Variants in PROCR observed in about 807,000 individuals in gnomAD.
The protein encoded by PROCR is endothelial protein C receptor.
PROCR carries 22 observed loss-of-function variants against 24.2 expected under a neutral mutation model. The observed-to-expected ratio is 0.91, with a 90% CI of 0.65 to 1.30. PROCR has a LOEUF of 1.30. PROCR is among the 50% of genes most tolerant of loss of function. The pLI, the probability that PROCR is intolerant of heterozygous loss-of-function variation, is 0.00. For missense variants in PROCR, 288 were observed against 307.7 expected (o/e 0.94, Z 0.48); for synonymous variants, 137 against 139.2 (o/e 0.98, Z 0.11).
At position 35,176,711 on chromosome 20, in the gene PROCR, C is replaced by T; in HGVS notation, c.615C>T (p.Ser205=). The T allele has an allele frequency of 6.2e-7, 1 of 1,611,390 alleles. No individual in the cohort carries two copies. The highest frequency in any genetic ancestry group is 8.5e-7 in the Non-Finnish European group (1 of 1,178,782). ...SAENTKGSQT[S]RSYTSLVLGV... is the part of the protein sequence containing the mutation. ...CATGTTCTGCAGGGAGCCAAACAAG[C>T]CGCTCCTACACTTCGCTGGTCCTGG... Residue 205 remains serine, a synonymous_variant, in exon 4 of 4, where the codon AGC becomes AGT. Transcript: ENST00000216968.
chr20:35,195,657 C>T (rs2086208951), intron 1 of PROCR, among the ~76,000 whole-genome samples: 2 of 151,642 alleles, frequency 1.3e-5, no homozygotes, highest in South Asian at 4.2e-4. Context: ...CCCATCTCTA[C>T]TAAAAACACA....
chr20:35,208,057 C>A (rs565803671), intron 1 of PROCR, among the ~76,000 whole-genome samples: 1 of 152,086 alleles, frequency 6.6e-6, no homozygotes, highest in African/African-American at 2.4e-5. Context: ...AGTGAGCAGG[C>A]CTGGGAGTGG....
intron 1 of PROCR, among the ~76,000 whole-genome samples, chr20:35,206,053 G>T (rs2146177304): frequency 6.6e-6 from 1 of 150,428 alleles, no homozygotes; most frequent in South Asian, 2.1e-4. Flanking sequence ...TTTTATTTTT[G>T]GTAGAGACAG....
intron 1 of PROCR, among the ~76,000 whole-genome samples, chr20:35,212,373 T>A (rs1174134136): frequency 6.6e-6 from 1 of 152,202 alleles, no homozygotes; most frequent in Non-Finnish European, 1.5e-5. Flanking sequence ...CTCACGCTTG[T>A]TTTAATGTTC....
At chr20:35,200,592 C>T (rs772242220) in intron 1 of PROCR, among the ~76,000 whole-genome samples, 1 of 152,144 alleles carries the variant, frequency 6.6e-6, no homozygotes, top group Non-Finnish European at 1.5e-5. Context: ...TGTAATTAGA[C>T]ATAATGTTAT....
At chr20:35,209,685 A>G (rs6120870) in intron 1 of PROCR, among the ~76,000 whole-genome samples, 27,666 of 150,862 alleles carry the variant, frequency 0.18, 3,904 homozygotes, top group African/African-American at 0.41. Flanking sequence ...AAGTCAGGGG[A>G]AGTGTATTTC....
chr20:35,189,949 T>TA (rs2086159683), intron 1 of PROCR, among the ~76,000 whole-genome samples: 1 of 152,232 alleles, frequency 6.6e-6, no homozygotes, highest in Non-Finnish European at 1.5e-5. Context: ...TTACTGATAA[T>TA]AATCCCTCGC....
At chr20:35,172,969 G>A (rs2085964758) in intron 1 of PROCR, among the ~76,000 whole-genome samples, 1 of 152,112 alleles carries the variant, frequency 6.6e-6, no homozygotes, top group South Asian at 2.1e-4. Flanking sequence ...CCTAAAGGTG[G>A]GTAATATTAT....
intron 1 of PROCR, among the ~76,000 whole-genome samples, chr20:35,205,620 G>A (rs1412033139): frequency 6.7e-6 from 1 of 149,974 alleles, no homozygotes; most frequent in South Asian, 2.1e-4. Context: ...GTGTGGTGGT[G>A]CATGCTTGTA....
chr20:35,205,454 AAT>A (rs148597850), intron 1 of PROCR, among the ~76,000 whole-genome samples: 5 of 146,110 alleles, frequency 3.4e-5, no homozygotes, highest in Admixed American at 6.9e-5. Context: ...TTAATCCAAA[AAT>A]ATATATATAT....
upstream of PROCR, among the ~76,000 whole-genome samples, chr20:35,171,348 G>A (rs1216579530): frequency 2.6e-5 from 4 of 152,104 alleles, no homozygotes; most frequent in Admixed American, 6.5e-5. Context: ...AGGGTGACGC[G>A]CTGAAATTTT....
rs74861609 is a variant in PROCR at position 35,183,588 on chromosome 20, C to T, written c.94+7142C>T. On this transcript the variant is annotated intron_variant, in intron 1 of 1. Coordinates refer to the PROCR transcript ENST00000634509. ...ACTTGCAGGTATTCCAGTATAGCAG[C>T]ACAAGAATTGACTAATATAGTATCA... 2.0e-4 allele frequency among the ~76,000 whole-genome samples: 30 copies of T among 152,244 alleles called. No individual in the cohort carries two copies. The East Asian group carries it at 5.6e-3, about 28-fold the overall frequency.
chr20:35,178,387 G>A (rs369104134), downstream of PROCR, among the ~76,000 whole-genome samples: 41 of 94,720 alleles, frequency 4.3e-4, no homozygotes, highest in African/African-American at 1.8e-3. Context: ...CTGGGCAACA[G>A]AGTGAGATTC....
In PROCR at chr20:35,176,853, G is replaced by A. The variant is rs1459403831; in HGVS notation, c.*40G>A. 5 of 1,602,806 alleles carry A rather than the reference G, an allele frequency of 3.1e-6. No homozygotes were observed. Among genetic ancestry groups the A allele is most frequent in the Non-Finnish European group, 4.3e-6 (5 of 1,174,290 alleles). ...CCTCAGAAGGGGCTGGATTGATGGA[G>A]GCTGGCAAGGGAAAGTTTCAGCTCA... On this transcript the variant is annotated 3_prime_UTR_variant, in exon 4 of 4. Transcript: ENST00000216968.
chr20:35,176,108 C>T (rs1434680481), intron 2 of PROCR, 60 bp from the exon 3 acceptor site: 3 of 1,557,466 alleles, frequency 1.9e-6, no homozygotes, highest in East Asian at 4.5e-5. Context: ...CTTGGTGGGC[C>T]TCGCCCCACA....
intron 1 of PROCR, among the ~76,000 whole-genome samples, chr20:35,186,224 G>C (rs2086124589): frequency 6.6e-6 from 1 of 152,124 alleles, no homozygotes; most frequent in Non-Finnish European, 1.5e-5. Flanking sequence ...ATATTATCTA[G>C]CCATGAAAAT....
chr20:35,205,469 T>TC (rs1568600498), intron 1 of PROCR, among the ~76,000 whole-genome samples: 2 of 134,886 alleles, frequency 1.5e-5, no homozygotes, highest in Admixed American at 7.7e-5. Flanking sequence ...ATATATATAT[T>TC]GGCCGGGCGC....
intron 2 of PROCR, among the ~76,000 whole-genome samples, chr20:35,175,578 C>CCTTT (rs2086005872): frequency 7.2e-5 from 2 of 27,940 alleles, no homozygotes; most frequent in African/African-American, 2.6e-4. Flanking sequence ...CCCCACCCCC[C>CCTTT]TTTTTTTTTT....
At chr20:35,206,657 G>T (rs2060344053) in intron 1 of PROCR, among the ~76,000 whole-genome samples, 1 of 151,886 alleles carries the variant, frequency 6.6e-6, no homozygotes. Flanking sequence ...ACCACAGTAA[G>T]GTATGTCTAT....
Sources: allele counts gnomAD v4.1 joint callset (sites outside exome capture counted in the v4.1 genomes callset), GRCh38; gene constraint gnomAD v4.1.1; transcripts MANE v1.5; gene names NCBI Gene and HGNC (gene_info 2026-07-23, HGNC 2026-07-21).